The following SOX18 variants were observed in gnomAD, a reference collection of about 807,000 sequenced individuals.
The protein encoded by SOX18 is SRY-box transcription factor 18, also known as transcription factor SOX-18.
SOX18 carries 2 observed loss-of-function variants against 9.1 expected under a neutral mutation model. That is an observed-to-expected ratio of 0.22 (90% CI 0.09 to 0.69). SOX18 has a LOEUF of 0.69. Among genes scored for constraint, SOX18 ranks in the 30% least tolerant of loss-of-function variants. The pLI is 0.80. For missense variants in SOX18, 542 were observed against 567.3 expected, an observed-to-expected ratio of 0.96 and a Z score of 0.45; for synonymous variants, 292 against 280.5, an observed-to-expected ratio of 1.04 and a Z score of -0.41.
At position 64,048,961 on chromosome 20, in the gene SOX18, G is replaced by A; in HGVS notation, c.360C>T (p.Gly120=). Residue 120 remains glycine, a splice_region_variant and synonymous_variant, in exon 2 of 2, where the codon GGC becomes GGT. Coordinates refer to ENST00000340356, the MANE Select transcript of SOX18 (RefSeq NM_018419.3). ...LHNAVLSKML[G]KAWKELNAAE... Reference sequence around the variant, plus strand: ...CCGCGTTCAGCTCCTTCCACGCTTTGCCTGCGGGCCGTGGGCGCCAGTGAG... The same window carrying A: ...CCGCGTTCAGCTCCTTCCACGCTTTACCTGCGGGCCGTGGGCGCCAGTGAG... The A allele has an allele frequency of 6.3e-7, 1 of 1,585,226 alleles. No homozygotes were observed.
In SOX18 at chr20:64,048,181, C is replaced by G. The variant is rs2059404354; in HGVS notation, c.1140G>C (p.Ala380=). 3.3e-5 allele frequency: 52 copies of G among 1,555,810 alleles called. No homozygotes were observed. The highest frequency in any genetic ancestry group is 4.5e-5 in the Non-Finnish European group (52 of 1,154,258). ...SDASSAVYYS[A]CISG is the part of the protein sequence containing the mutation. ...CGCCGGCGGCCTAGCCGGAGATGCA[C>G]GCGCTGTAATAGACCGCGCTGCTGG... Residue 380 remains alanine (A), a synonymous_variant, in exon 2 of 2, where the codon GCG becomes GCC. Coordinates refer to ENST00000340356, the MANE Select transcript of SOX18 (RefSeq NM_018419.3).
Position 64,048,018 on chromosome 20 carries a change from CAAGG to C in SOX18, c.*144_*147del, listed in dbSNP as rs2059401952. 5.6e-6 allele frequency: 5 copies of C among 888,758 alleles called. No individual in the cohort carries two copies. In the Admixed American group the frequency reaches 1.1e-4, roughly 19 times the overall value. 55.1% of individuals were successfully genotyped at this position (888,758 alleles called of 1,614,324 possible). A position where few individuals can be genotyped will look rare whatever the true frequency, so the allele number is the denominator to read the frequency against. ...GGTGGCCTGGGAGGTGGAACGGGCG[CAAGG>C]CCGAGCATCACTGGCTCCTAGGGGG... On this transcript the variant is annotated 3_prime_UTR_variant, in exon 2 of 2. Transcript: ENST00000340356.
rs2059409564 is a variant in SOX18, at chr20:64,048,634, G to A, written c.687C>T (p.Ala229=). ...CGGGCGCCGCGGGCGGTGGGAAGAA[G>A]GCAGCCTCGCCGGGCTCCAGGCCGT... The part of the protein sequence containing the change: ...PLDGLEPGEA[A]FFPPPAAPED... The change falls in exon 2 of 2, where the codon GCC becomes GCT. Residue 229 remains alanine, a synonymous_variant. Transcript: ENST00000340356. The A allele has an allele frequency of 6.3e-6, 8 of 1,262,590 alleles. No homozygotes were observed. Among genetic ancestry groups the A allele is most frequent in the Middle Eastern group, 3.0e-4 (1 of 3,314 alleles). 78.2% of individuals were successfully genotyped at this position (1,262,590 alleles called of 1,614,324 possible). A position where few individuals can be genotyped will look rare whatever the true frequency, so the allele number is the denominator to read the frequency against.
Position 64,047,864 on chromosome 20 carries a change from A to G in SOX18, c.*302T>C. On this transcript the variant is annotated 3_prime_UTR_variant, in exon 2 of 2. Transcript: ENST00000340356. ...CAAGAAAAGGAGCAGGTGCTTCAAA[A>G]ATGTAACCCTGGCAACTCTGCCAAC... is the stretch of plus-strand genomic sequence containing the variant. 23 of 484,478 alleles carry G rather than the reference A, an allele frequency of 4.7e-5. No individual in the cohort carries two copies. Among genetic ancestry groups the G allele is most frequent in the South Asian group, 1.5e-4 (5 of 33,378 alleles). The allele number at this position is 484,478 out of a possible 1,614,324, so 30.0% of individuals were successfully genotyped here. A position where few individuals can be genotyped will look rare whatever the true frequency, so the allele number is the denominator to read the frequency against.
Position 64,047,992 on chromosome 20 carries a change from G to C in SOX18, c.*174C>G. 1.4e-6 allele frequency: 1 copy of C among 724,280 alleles called. No individual in the cohort carries two copies. The highest frequency in any genetic ancestry group is 1.8e-5 in the South Asian group (1 of 56,960). 44.9% of individuals were successfully genotyped at this position (724,280 alleles called of 1,614,324 possible). A position where few individuals can be genotyped will look rare whatever the true frequency, so the allele number is the denominator to read the frequency against. On this transcript the variant is annotated 3_prime_UTR_variant, in exon 2 of 2. Coordinates refer to ENST00000340356, the MANE Select transcript of SOX18 (RefSeq NM_018419.3). ...GGCAGGTGGCCCAGAAGCCCAGGAAGGGTGGCCTGGGAGGTGGAACGGGCG... is the reference window on the plus strand; with the variant it reads ...GGCAGGTGGCCCAGAAGCCCAGGAACGGTGGCCTGGGAGGTGGAACGGGCG...
Position 64,049,456 on chromosome 20 carries a change from C to A in SOX18, c.61G>T (p.Ala21Ser), listed in dbSNP as rs983419019. 2.1e-5 allele frequency: 22 copies of A among 1,030,272 alleles called. No individual in the cohort carries two copies. The highest frequency in any genetic ancestry group is 8.3e-5 in the East Asian group (1 of 11,998). 63.8% of individuals were successfully genotyped at this position (1,030,272 alleles called of 1,614,324 possible). ...GCGGCCCCGTGTCCCGGGGCCCATG[C>A]ACAGTCGCGGCGGGCGGGCGGGTCG... The part of the protein sequence containing the change: ...QDDPPARRDC[A>S]WAPGHGAAAD... The change falls in exon 1 of 2, where the codon GCA becomes TCA. Residue 21 changes from alanine to serine, a missense_variant. Ala to Ser is a moderately conservative substitution (Grantham distance 99). Coordinates refer to ENST00000340356, the MANE Select transcript of SOX18 (RefSeq NM_018419.3).
At position 64,048,089 on chromosome 20, in the gene SOX18, A is replaced by G; in HGVS notation, c.*77T>C. On this transcript the variant is annotated 3_prime_UTR_variant, in exon 2 of 2. Transcript: ENST00000340356. ...AACATACACGCGTATGAGAGAGCAG[A>G]GCGGCAGCGACGCGGTCGGATCGGT... The G allele has an allele frequency of 2.3e-6, 3 of 1,330,172 alleles. No homozygotes were observed. Among genetic ancestry groups the G allele is most frequent in the Non-Finnish European group, 2.1e-6 (2 of 961,994 alleles). 82.4% of individuals were successfully genotyped at this position (1,330,172 alleles called of 1,614,324 possible).
Position 64,048,645 on chromosome 20 carries a change from C to T in SOX18, c.676G>A (p.Gly226Ser). 1 of 1,266,156 alleles carries T rather than the reference C, an allele frequency of 7.9e-7. No homozygotes were observed. 78.4% of individuals were successfully genotyped at this position (1,266,156 alleles called of 1,614,324 possible). A position where few individuals can be genotyped will look rare whatever the true frequency, so the allele number is the denominator to read the frequency against. The change falls in exon 2 of 2, where the codon GGC (glycine) becomes AGC (serine). Residue 226 changes from glycine (G) to serine (S), a missense_variant. Gly to Ser is a moderately conservative substitution (Grantham distance 56). Transcript: ENST00000340356. ...GGCGGTGGGAAGAAGGCAGCCTCGCCGGGCTCCAGGCCGTCCAGAGGCGAG... is the reference window on the plus strand; with the variant it reads ...GGCGGTGGGAAGAAGGCAGCCTCGCTGGGCTCCAGGCCGTCCAGAGGCGAG... ...ERSPLDGLEP[G>S]EAAFFPPPAA...
At position 64,048,009 on chromosome 20, in the gene SOX18, G is replaced by T; in HGVS notation, c.*157C>A. 1.2e-6 allele frequency: 1 copy of T among 830,758 alleles called. No homozygotes were observed. Among genetic ancestry groups the T allele is most frequent in the Non-Finnish European group, 1.9e-6 (1 of 525,582 alleles). 51.5% of individuals were successfully genotyped at this position (830,758 alleles called of 1,614,324 possible). A position where few individuals can be genotyped will look rare whatever the true frequency, so the allele number is the denominator to read the frequency against. On this transcript the variant is annotated 3_prime_UTR_variant, in exon 2 of 2. Transcript: ENST00000340356. ...CCCAGGAAGGGTGGCCTGGGAGGTG[G>T]AACGGGCGCAAGGCCGAGCATCACT...
Position 64,048,549 on chromosome 20 carries a change from G to A in SOX18, c.772C>T (p.Pro258Ser), listed in dbSNP as rs1601550243. The A allele has an allele frequency of 8.2e-7, 1 of 1,222,694 alleles. No homozygotes were observed. The highest frequency in any genetic ancestry group is 1.0e-6 in the Non-Finnish European group (1 of 983,674). 75.7% of individuals were successfully genotyped at this position (1,222,694 alleles called of 1,614,324 possible). The change falls in exon 2 of 2, where the codon CCC (proline) becomes TCC (serine). Residue 258 changes from proline to serine, a missense_variant. Physicochemically the swap from Pro to Ser is moderately conservative, Grantham distance 74. Transcript: ENST00000340356. ...PYAPTELSRD[P>S]GGCYGAPLAE... is the part of the protein sequence containing the mutation. ...AGGGGAGCCCCGTAGCAACCGCCGGGGTCCCGCGACAACTCGGTGGGCGCG... is the reference window on the plus strand; with the variant it reads ...AGGGGAGCCCCGTAGCAACCGCCGGAGTCCCGCGACAACTCGGTGGGCGCG...
In SOX18 at chr20:64,049,258, G is replaced by T. The variant is rs777587807; in HGVS notation, c.259C>A (p.Arg87=). The part of the protein sequence containing the change: ...RQAADESRIR[R]PMNAFMVWAK... ...CACACCATGAAGGCGTTCATGGGCC[G>T]CCGGATGCGCGACTCGTCTGCCGCC... The change falls in exon 1 of 2, where the codon CGG becomes AGG. Residue 87 remains arginine (R), a synonymous_variant. Coordinates refer to ENST00000340356, the MANE Select transcript of SOX18 (RefSeq NM_018419.3). The T allele has an allele frequency of 4.6e-6, 7 of 1,524,098 alleles. No homozygotes were observed. In the South Asian group the frequency reaches 8.1e-5, roughly 18 times the overall value. The allele number at this position is 1,524,098 out of a possible 1,614,324, so 94.4% of individuals were successfully genotyped here. A position where few individuals can be genotyped will look rare whatever the true frequency, so the allele number is the denominator to read the frequency against.
Position 64,047,929 on chromosome 20 carries a change from C to A in SOX18, c.*237G>T. ...GGCTTCCTGGAAAAGCCCCGGGACACGTGGGAACTCCAGGCACCCTCGCAG... is the reference window on the plus strand; with the variant it reads ...GGCTTCCTGGAAAAGCCCCGGGACAAGTGGGAACTCCAGGCACCCTCGCAG... On this transcript the variant is annotated 3_prime_UTR_variant, in exon 2 of 2. Coordinates refer to ENST00000340356, the MANE Select transcript of SOX18 (RefSeq NM_018419.3). The A allele has an allele frequency of 1.7e-6, 1 of 578,628 alleles. No individual in the cohort carries two copies. The allele number at this position is 578,628 out of a possible 1,614,324, so 35.8% of individuals were successfully genotyped here.
chr20:64,049,077 GGGA>G, intron 1 of SOX18, 79 bp downstream of exon 1: 1 of 961,540 alleles, frequency 1.0e-6, no homozygotes. Flanking sequence ...CCCGCGGCCC[GGGA>G]CCCCTGCCCC....
At chr20:64,049,030 C>T in intron 1 of SOX18, 68 bp from the exon 2 acceptor site, 7 of 1,479,916 alleles carry the variant, frequency 4.7e-6, no homozygotes, top group Non-Finnish European at 6.2e-6. Flanking sequence ...TCCGTGCGCC[C>T]GGGACGCCCC....
Position 64,048,182 on chromosome 20 carries a change from G to C in SOX18, c.1139C>G (p.Ala380Gly). ...GCCGGCGGCCTAGCCGGAGATGCAC[G>C]CGCTGTAATAGACCGCGCTGCTGGC... is the stretch of plus-strand genomic sequence containing the variant. ...SDASSAVYYS[A>G]CISG is the part of the protein sequence containing the mutation. Residue 380 changes from alanine (A) to glycine (G), a missense_variant, in exon 2 of 2, where the codon GCG becomes GGG. By Grantham distance (60) the Ala-to-Gly change is moderately conservative. Coordinates refer to ENST00000340356, the MANE Select transcript of SOX18 (RefSeq NM_018419.3). The C allele has an allele frequency of 1.3e-6, 2 of 1,556,824 alleles. No individual in the cohort carries two copies. The highest frequency in any genetic ancestry group is 1.7e-6 in the Non-Finnish European group (2 of 1,154,694).
chr20:64,048,828 C>T lies in SOX18; in HGVS notation c.493G>A (p.Ala165Thr), dbSNP rs1411042054. 1 of 1,570,926 alleles carries T rather than the reference C, an allele frequency of 6.4e-7. No homozygotes were observed. Among genetic ancestry groups the T allele is most frequent in the Admixed American group, 1.8e-5 (1 of 57,116 alleles). Residue 165 changes from alanine (A) to threonine (T), a missense_variant, in exon 2 of 2, where the codon GCC (alanine) becomes ACC (threonine). Coordinates refer to ENST00000340356, the MANE Select transcript of SOX18 (RefSeq NM_018419.3). Reference protein sequence around the residue: ...RPRRKKQARKARRLEPGLLLP... With the variant: ...RPRRKKQARKTRRLEPGLLLP... ...AGGAGGCCGGGCTCCAGCCGCCGGG[C>T]CTTGCGCGCCTGCTTCTTGCGGCGC...
At position 64,049,300 on chromosome 20, in the gene SOX18, C is replaced by T. The variant is rs751227730; in HGVS notation, c.217G>A (p.Gly73Ser). ...TCTGCCGCCTGGCGTTCCCCGCGGCCGGCCGGGCTGAGGCCATAGCGCCCC... is the reference window on the plus strand; with the variant it reads ...TCTGCCGCCTGGCGTTCCCCGCGGCTGGCCGGGCTGAGGCCATAGCGCCCC... ...EPGRYGLSPA[G>S]RGERQAADES... is the part of the protein sequence containing the mutation. Residue 73 changes from glycine (G) to serine (S), a missense_variant, in exon 1 of 2, where the codon GGC becomes AGC. By Grantham distance (56) the Gly-to-Ser change is moderately conservative (BLOSUM62 0). Transcript: ENST00000340356. 7 of 1,481,822 alleles carry T rather than the reference C, an allele frequency of 4.7e-6. No individual in the cohort carries two copies. The highest frequency in any genetic ancestry group is 6.3e-6 in the Non-Finnish European group (7 of 1,105,712). 91.8% of individuals were successfully genotyped at this position (1,481,822 alleles called of 1,614,324 possible).
Position 64,048,474 on chromosome 20 carries a change from A to G in SOX18, c.847T>C (p.Tyr283His). Residue 283 changes from tyrosine to histidine, a missense_variant, in exon 2 of 2, where the codon TAC becomes CAC. By Grantham distance (83) the Tyr-to-His change is moderately conservative (BLOSUM62 2). Transcript: ENST00000340356. ...CCGGGCGTGCCCAGGGTGCCGTAGT[A>G]CAGGCCAGCGAGCGGCGCCGCGGGG... ...APPAAPLAGLYYGTLGTPGPY... is the reference protein window; with the variant it reads ...APPAAPLAGLHYGTLGTPGPY... The G allele has an allele frequency of 1.6e-6, 2 of 1,267,734 alleles. No homozygotes were observed. Among genetic ancestry groups the G allele is most frequent in the Non-Finnish European group, 2.0e-6 (2 of 1,012,476 alleles). 78.5% of individuals were successfully genotyped at this position (1,267,734 alleles called of 1,614,324 possible). A position where few individuals can be genotyped will look rare whatever the true frequency, so the allele number is the denominator to read the frequency against.
At position 64,047,943 on chromosome 20, in the gene SOX18, G is replaced by A; in HGVS notation, c.*223C>T. The A allele has an allele frequency of 1.7e-6, 1 of 591,564 alleles. No homozygotes were observed. The highest frequency in any genetic ancestry group is 3.0e-6 in the Non-Finnish European group (1 of 333,588). The allele number at this position is 591,564 out of a possible 1,614,324, so 36.6% of individuals were successfully genotyped here. A position where few individuals can be genotyped will look rare whatever the true frequency, so the allele number is the denominator to read the frequency against. The stretch of plus-strand genomic sequence containing the variant: ...GCCCCGGGACACGTGGGAACTCCAG[G>A]CACCCTCGCAGGGGCCCCCCGAGGG... On this transcript the variant is annotated 3_prime_UTR_variant, in exon 2 of 2. Coordinates refer to ENST00000340356, the MANE Select transcript of SOX18 (RefSeq NM_018419.3).
Sources: allele counts gnomAD v4.1 joint callset, GRCh38; gene constraint gnomAD v4.1.1; transcripts MANE v1.5; gene names NCBI Gene and HGNC (gene_info 2026-07-23, HGNC 2026-07-21).